GRM3: variants seen among roughly 807,000 people sequenced by gnomAD.
The protein encoded by GRM3 is glutamate metabotropic receptor 3.
In GRM3, 26 loss-of-function variants were observed where a neutral mutation model predicts 70.5. That is an observed-to-expected ratio of 0.37 (90% CI 0.27 to 0.51). The LOEUF (loss-of-function observed/expected upper bound fraction) is 0.51, where lower values mean the gene tolerates loss of function less well. GRM3 is among the 20% of genes least tolerant of loss of function. The pLI is 0.93. For synonymous variants in GRM3, 443 were observed against 434.9 expected, an observed-to-expected ratio of 1.02 and a Z score of -0.23; for missense variants, 859 against 1,123.8, an observed-to-expected ratio of 0.76 and a Z score of 3.37.
At chr7:86,742,400 T>C (rs971732848) in intron 1 of GRM3, among the ~76,000 whole-genome samples, 1 of 152,166 alleles carries the variant, frequency 6.6e-6, no homozygotes, top group East Asian at 1.9e-4. Context: ...AACTGCTTTA[T>C]TGAGGTATAG....
At chr7:86,848,790 T>G (rs1298581916) in intron 4 of GRM3, among the ~76,000 whole-genome samples, 1 of 152,130 alleles carries the variant, frequency 6.6e-6, no homozygotes, top group Non-Finnish European at 1.5e-5. Flanking sequence ...GCAATGCCAA[T>G]AGAGCAACTA....
At chr7:86,777,305 T>A (rs1402711227) in intron 2 of GRM3, among the ~76,000 whole-genome samples, 2 of 152,202 alleles carry the variant, frequency 1.3e-5, no homozygotes, top group Non-Finnish European at 2.9e-5. Flanking sequence ...CAATCCTGGT[T>A]ACAAACTACA....
intron 1 of GRM3, among the ~76,000 whole-genome samples, chr7:86,724,668 T>C (rs1227991918): frequency 6.6e-6 from 1 of 152,128 alleles, no homozygotes; most frequent in African/African-American, 2.4e-5. Context: ...TCTGATTCAA[T>C]AGGCCTGGGA....
Position 86,839,971 on chromosome 7 carries a change from A to T in GRM3, c.2391+66A>T. ...CTCCAGTGTTTCTTGTGTAGTATTT[A>T]AAATAGACTCCTTTTATTTCATCTC... On this transcript the variant is annotated intron_variant, in intron 4 of 5. Transcript: ENST00000361669. The surrounding 1 kb of genome is among the most constrained non-coding windows in gnomAD (Gnocchi z 4.5). 1.1e-6 allele frequency: 1 copy of T among 873,164 alleles called. No individual in the cohort carries two copies. The highest frequency in any genetic ancestry group is 1.5e-5 in the South Asian group (1 of 64,706). 54.1% of individuals were successfully genotyped at this position (873,164 alleles called of 1,614,324 possible). A position where few individuals can be genotyped will look rare whatever the true frequency, so the allele number is the denominator to read the frequency against.
intron 1 of GRM3, among the ~76,000 whole-genome samples, chr7:86,699,618 A>T (rs780049352): frequency 1.2e-4 from 19 of 152,044 alleles, no homozygotes; most frequent in African/African-American, 1.9e-4. Flanking sequence ...CATTTTGAAC[A>T]TGTCTTATTT....
At chr7:86,721,160 C>A (rs900689865) in intron 1 of GRM3, among the ~76,000 whole-genome samples, 1 of 151,966 alleles carries the variant, frequency 6.6e-6, no homozygotes, top group African/African-American at 2.4e-5. Context: ...CTCAAGAATC[C>A]CCATTGCTCA....
chr7:86,854,955 T>C (rs894228211), intron 5 of GRM3, among the ~76,000 whole-genome samples: 4 of 152,174 alleles, frequency 2.6e-5, no homozygotes, highest in Admixed American at 2.6e-4. Flanking sequence ...GGGAAGTCAT[T>C]TCCAGCATAG....
intron 1 of GRM3, among the ~76,000 whole-genome samples, chr7:86,656,018 C>A (rs1793733535): frequency 2.0e-5 from 3 of 152,084 alleles, no homozygotes; most frequent in Admixed American, 2.0e-4. Flanking sequence ...TTCCCATTTC[C>A]CTTCCAGGCC....
intron 1 of GRM3, among the ~76,000 whole-genome samples, chr7:86,763,457 G>T (rs1410720356): frequency 6.6e-6 from 1 of 152,090 alleles, no homozygotes; most frequent in South Asian, 2.1e-4. Flanking sequence ...GAGTGTCAAA[G>T]AATTCAACAG....
At chr7:86,692,495 C>A (rs10227921) in intron 1 of GRM3, among the ~76,000 whole-genome samples, 33,695 of 152,090 alleles carry the variant, frequency 0.22, 3,960 homozygotes, top group African/African-American at 0.3. Flanking sequence ...ATGGCTTATG[C>A]CTTCACGTCA....
At chr7:86,806,842 T>A (rs1455611555) in intron 3 of GRM3, among the ~76,000 whole-genome samples, 3 of 151,832 alleles carry the variant, frequency 2.0e-5, no homozygotes, top group African/African-American at 7.3e-5. Flanking sequence ...CTGAATGGTA[T>A]TGCCTAGGTT....
chr7:86,838,528 A>G (rs1016406640), intron 3 of GRM3, among the ~76,000 whole-genome samples: 14 of 152,346 alleles, frequency 9.2e-5, no homozygotes, highest in African/African-American at 2.4e-4. Context: ...AAGGGAATAC[A>G]TGCCCATCAT....
At chr7:86,823,648 T>C (rs1022846613) in intron 3 of GRM3, among the ~76,000 whole-genome samples, 2 of 145,618 alleles carry the variant, frequency 1.4e-5, no homozygotes, top group African/African-American at 5.2e-5. Flanking sequence ...TGGGATAGGA[T>C]TTAGTGCCCA....
intron 5 of GRM3, among the ~76,000 whole-genome samples, chr7:86,861,553 T>G (rs1483086591): frequency 2.6e-5 from 4 of 152,206 alleles, no homozygotes; most frequent in Non-Finnish European, 5.9e-5. Flanking sequence ...CTCTTTGAGG[T>G]AACATTTCAG....
chr7:86,769,135 G>A (rs762969614), intron 2 of GRM3, among the ~76,000 whole-genome samples: 4 of 152,080 alleles, frequency 2.6e-5, no homozygotes, highest in Non-Finnish European at 4.4e-5. Context: ...ACATGCTCCT[G>A]CTCCAGTGAC....
intron 1 of GRM3, among the ~76,000 whole-genome samples, chr7:86,652,661 T>C (rs1793636655): frequency 6.6e-6 from 1 of 152,158 alleles, no homozygotes; most frequent in Admixed American, 6.6e-5. Context: ...ACTTCTCATA[T>C]GGAAAATGCT....
intron 1 of GRM3, among the ~76,000 whole-genome samples, chr7:86,648,984 G>A (rs1793544092): frequency 6.6e-6 from 1 of 152,124 alleles, no homozygotes; most frequent in Non-Finnish European, 1.5e-5. Flanking sequence ...AGAGGGAGGT[G>A]AATCAGCATC....
At chr7:86,669,972 T>A (rs1016400013) in intron 1 of GRM3, among the ~76,000 whole-genome samples, 1 of 152,140 alleles carries the variant, frequency 6.6e-6, no homozygotes, top group Non-Finnish European at 1.5e-5. Context: ...GATCACCAAA[T>A]CCAACAACTT....
intron 1 of GRM3, among the ~76,000 whole-genome samples, chr7:86,671,005 A>G (rs554091608): frequency 6.6e-6 from 1 of 152,280 alleles, no homozygotes; most frequent in African/African-American, 2.4e-5. Context: ...CTTTCATGAA[A>G]TATGTTTGAA....
Sources: allele counts gnomAD v4.1 joint callset (sites outside exome capture counted in the v4.1 genomes callset), GRCh38; gene constraint gnomAD v4.1.1; non-coding constraint Gnocchi (gnomAD v3.1); transcripts MANE v1.5; gene names NCBI Gene and HGNC (gene_info 2026-07-23, HGNC 2026-07-21).